Variants in NCAPH observed in about 807,000 individuals in gnomAD.
NCAPH encodes condensin complex subunit 2.
Under a neutral mutation model 85.5 loss-of-function variants are expected in NCAPH, and 38 were observed. That is an observed-to-expected ratio of 0.44 (90% CI 0.34 to 0.58). The LOEUF is 0.58. Among genes scored for constraint, NCAPH ranks in the 20% least tolerant of loss-of-function variants. NCAPH has a pLI of 0.01. For missense variants in NCAPH, 789 were observed against 916.6 expected (o/e 0.86, Z 1.80); for synonymous variants, 301 against 335.1 (o/e 0.90, Z 1.11).
intron 11 of NCAPH, 117 bp downstream of exon 11, chr2:96,360,366 T>A: frequency 1.2e-6 from 1 of 809,460 alleles, no homozygotes; most frequent in Non-Finnish European, 2.0e-6. Flanking sequence ...TTCTTCCTTG[T>A]TCCTTAAACG....
At chr2:96,347,065 A>G (rs1479697849) in intron 6 of NCAPH, among the ~76,000 whole-genome samples, 1 of 152,200 alleles carries the variant, frequency 6.6e-6, no homozygotes, top group Admixed American at 6.5e-5. Flanking sequence ...ACTGCAACAC[A>G]GATGGGCAGA....
In NCAPH at chr2:96,374,292, C is replaced by T. The variant is rs145211104; in HGVS notation, c.*941C>T. ...CTATGTGCTACCTGGATAGGTCATA[C>T]AGGCTCAGCAGTGGGTGGAGAGCAG... is the stretch of plus-strand genomic sequence containing the variant. On this transcript the variant is annotated 3_prime_UTR_variant, in exon 18 of 18. Coordinates refer to ENST00000240423, the MANE Select transcript of NCAPH (RefSeq NM_015341.5). 3.7e-3 allele frequency among the ~76,000 whole-genome samples: 565 copies of T among 152,338 alleles called. 3 individuals carry two copies. Among genetic ancestry groups the T allele is most frequent in the Non-Finnish European group, 5.7e-3 (388 of 68,028 alleles).
At chr2:96,353,115 C>T (rs1369635106) in intron 7 of NCAPH, among the ~76,000 whole-genome samples, 191 bp from the exon 8 acceptor site, 1 of 152,212 alleles carries the variant, frequency 6.6e-6, no homozygotes, top group Non-Finnish European at 1.5e-5. Flanking sequence ...GACGCATCTG[C>T]TCGCTCCCAG....
chr2:96,354,366 C>G lies in NCAPH; in HGVS notation c.1186C>G (p.Pro396Ala). 1 of 1,601,382 alleles carries G rather than the reference C, an allele frequency of 6.2e-7. No individual in the cohort carries two copies. Among genetic ancestry groups the G allele is most frequent in the Non-Finnish European group, 8.5e-7 (1 of 1,172,524 alleles). The change falls in exon 9 of 18, where the codon CCC becomes GCC. Residue 396 changes from proline (P) to alanine (A), a missense_variant. Pro to Ala is a conservative substitution (Grantham distance 27, BLOSUM62 -1). Transcript: ENST00000240423. ...TGAAGAGTTCAGGAGCTGGAAGGAGCCCTGCCAGGTTCAGAGCTGCCAGTA... is the reference window on the plus strand; with the variant it reads ...TGAAGAGTTCAGGAGCTGGAAGGAGGCCTGCCAGGTTCAGAGCTGCCAGTA... Reference protein sequence around the residue: ...DHEEFRSWKEPCQVQSCQEEM... With the variant: ...DHEEFRSWKEACQVQSCQEEM...
At chr2:96,339,359 A>G (rs1424940324) in intron 1 of NCAPH, among the ~76,000 whole-genome samples, 1 of 151,944 alleles carries the variant, frequency 6.6e-6, no homozygotes, top group African/African-American at 2.4e-5. Flanking sequence ...CTGGGAATCC[A>G]AGACAGGCAG....
At chr2:96,362,121 T>A (rs912486919) in intron 12 of NCAPH, among the ~76,000 whole-genome samples, 1 of 150,914 alleles carries the variant, frequency 6.6e-6, no homozygotes, top group Admixed American at 6.6e-5. Context: ...AGAAATACTC[T>A]TTTTTTTTCA....
chr2:96,374,197 C>T lies in NCAPH; in HGVS notation c.*846C>T, dbSNP rs1014916155. Among the ~76,000 whole-genome samples the T allele has an allele frequency of 2.6e-5, 4 of 152,198 alleles. No homozygotes were observed. The highest frequency in any genetic ancestry group is 7.2e-5 in the African/African-American group (3 of 41,446). On this transcript the variant is annotated 3_prime_UTR_variant, in exon 18 of 18. Transcript: ENST00000240423. ...CAAGGTAGAGGAACTTGCAAAAGGGCAGCCGGCAAACTGTCAGGGGTGGCC... is the reference window on the plus strand; with the variant it reads ...CAAGGTAGAGGAACTTGCAAAAGGGTAGCCGGCAAACTGTCAGGGGTGGCC...
Position 96,353,291 on chromosome 2 carries a change from T to C in NCAPH, c.911-15T>C. The C allele has an allele frequency of 1.2e-6, 2 of 1,610,928 alleles. No individual in the cohort carries two copies. The highest frequency in any genetic ancestry group is 1.7e-6 in the Non-Finnish European group (2 of 1,177,134). On this transcript the variant is annotated splice_polypyrimidine_tract_variant and intron_variant, in intron 7 of 17. Transcript: ENST00000240423. ...CCCTTCTAATCTCTCTTTGTGATCT[T>C]GCTATCCTCTCCAGCGCCCTTGCAG...
chr2:96,373,423 G>T lies in NCAPH; in HGVS notation c.*72G>T, dbSNP rs771609162. 1 of 1,434,810 alleles carries T rather than the reference G, an allele frequency of 7.0e-7. No individual in the cohort carries two copies. The highest frequency in any genetic ancestry group is 1.4e-5 in the African/African-American group (1 of 71,028). The allele number at this position is 1,434,810 out of a possible 1,614,324, so 88.9% of individuals were successfully genotyped here. Reference sequence around the variant, plus strand: ...TTGCCGGGACATCCCCAGTCTCGGGGGAAGAAGATGCCATGGGCTTATACC... The same window carrying T: ...TTGCCGGGACATCCCCAGTCTCGGGTGAAGAAGATGCCATGGGCTTATACC... On this transcript the variant is annotated 3_prime_UTR_variant, in exon 18 of 18. Transcript: ENST00000240423.
intron 6 of NCAPH, among the ~76,000 whole-genome samples, chr2:96,349,719 G>C (rs941170393): frequency 1.3e-5 from 2 of 152,164 alleles, no homozygotes; most frequent in Non-Finnish European, 2.9e-5. Flanking sequence ...GTCTAGACCA[G>C]TTGAGAGCAC....
At chr2:96,346,663 G>A (rs1016858992) in intron 6 of NCAPH, among the ~76,000 whole-genome samples, 5 of 152,142 alleles carry the variant, frequency 3.3e-5, no homozygotes, top group Admixed American at 6.5e-5. Flanking sequence ...CAAAGACTTC[G>A]TGGTGTTGGG....
chr2:96,348,656 T>C (rs1224165233), intron 6 of NCAPH, among the ~76,000 whole-genome samples: 1 of 151,792 alleles, frequency 6.6e-6, no homozygotes, highest in African/African-American at 2.4e-5. Context: ...ACTGTCATTA[T>C]TATTATTATT....
rs370054762 is a variant in NCAPH at position 96,342,154 on chromosome 2, G to C, written c.363+14G>C. 2.5e-6 allele frequency: 4 copies of C among 1,578,952 alleles called. No homozygotes were observed. Among genetic ancestry groups the C allele is most frequent in the South Asian group, 1.1e-5 (1 of 90,284 alleles). On this transcript the variant is annotated intron_variant, in intron 3 of 17. Transcript: ENST00000240423. ...TCCACTGAAAATGTGAGTATTTGCT[G>C]GTTTATTATTGAAGACGTAATCCCT... is the stretch of plus-strand genomic sequence containing the variant.
intron 1 of NCAPH, among the ~76,000 whole-genome samples, chr2:96,337,932 T>C (rs1461542393): frequency 2.1e-5 from 3 of 141,156 alleles, no homozygotes; most frequent in Non-Finnish European, 4.6e-5. Flanking sequence ...CCAACAACCC[T>C]TTTTTTTTTT....
intron 8 of NCAPH, 127 bp from the exon 9 acceptor site, chr2:96,354,056 G>A (rs1191108046): frequency 1.7e-5 from 15 of 897,796 alleles, no homozygotes; most frequent in Non-Finnish European, 2.7e-5. Flanking sequence ...GATGGGAAAG[G>A]GAAGGGTGGC....
chr2:96,363,162 G>A (rs1384320091), intron 12 of NCAPH, among the ~76,000 whole-genome samples: 2 of 152,212 alleles, frequency 1.3e-5, no homozygotes, highest in Non-Finnish European at 2.9e-5. Context: ...ACAACTCACT[G>A]AAGGCTGATA....
In NCAPH at chr2:96,360,685, A is replaced by G; in HGVS notation, c.1562A>G (p.Gln521Arg). 6.2e-7 allele frequency: 1 copy of G among 1,614,218 alleles called. No homozygotes were observed. Among genetic ancestry groups the G allele is most frequent in the South Asian group, 1.1e-5 (1 of 91,084 alleles). Residue 521 changes from glutamine (Q) to arginine (R), a missense_variant, in exon 12 of 18, where the codon CAG becomes CGG. Physicochemically the swap from Gln to Arg is conservative, Grantham distance 43. Coordinates refer to ENST00000240423, the MANE Select transcript of NCAPH (RefSeq NM_015341.5). ...AACTACAATGTTGACACTCTGGTCC[A>G]GCTTCACCTCAAACCAGGCACCAGG... ...DFNYNVDTLV[Q>R]LHLKPGTRLL...
At chr2:96,352,304 T>G (rs2064455947) in intron 7 of NCAPH, among the ~76,000 whole-genome samples, 1 of 152,202 alleles carries the variant, frequency 6.6e-6, no homozygotes, top group Non-Finnish European at 1.5e-5. Flanking sequence ...CAAGTCACAT[T>G]TGGGAGACCT....
intron 6 of NCAPH, among the ~76,000 whole-genome samples, chr2:96,349,452 G>T (rs1418967124): frequency 2.0e-5 from 3 of 151,818 alleles, no homozygotes; most frequent in African/African-American, 7.3e-5. Context: ...TTCAGTCTTG[G>T]CTCACTGCAA....
Sources: gnomAD v4.1 joint callset for allele counts (sites outside exome capture counted in the v4.1 genomes callset) on GRCh38, gnomAD v4.1.1 for gene constraint, MANE v1.5 for transcripts, NCBI Gene and HGNC (gene_info 2026-07-23, HGNC 2026-07-21) for gene names.